DDX4: variants seen among roughly 807,000 people sequenced by gnomAD.
DDX4 encodes DEAD-box helicase 4, also known as probable ATP-dependent RNA helicase DDX4.
Under a neutral mutation model 100.0 loss-of-function variants are expected in DDX4, and 25 were observed. The ratio of observed to expected loss-of-function variants is 0.25; its 90% CI spans 0.18 to 0.35. The LOEUF is 0.35. Among genes scored for constraint, DDX4 ranks in the 10% least tolerant of loss-of-function variants. The probability of loss-of-function intolerance (pLI) is 1.00; values close to 1 mark genes in which losing one functional copy is unlikely to be tolerated. For synonymous variants in DDX4, 259 were observed against 275.7 expected, an observed-to-expected ratio of 0.94 and a Z score of 0.60; for missense variants, 635 against 882.4, an observed-to-expected ratio of 0.72 and a Z score of 3.55.
intron 3 of DDX4, among the ~76,000 whole-genome samples, chr5:55,759,488 T>A (rs1220506628): frequency 6.8e-6 from 1 of 148,024 alleles, no homozygotes; most frequent in East Asian, 2.1e-4. Flanking sequence ...ATGAATTGAT[T>A]ATTGAACTCT....
At chr5:55,807,622 C>G (rs1042120513) in intron 18 of DDX4, among the ~76,000 whole-genome samples, 6 of 152,192 alleles carry the variant, frequency 3.9e-5, no homozygotes, top group Admixed American at 3.9e-4. Flanking sequence ...GTTGCAGATT[C>G]TTTTCTTTAA....
intron 17 of DDX4, among the ~76,000 whole-genome samples, chr5:55,795,781 A>G (rs116518422): frequency 1.3e-5 from 2 of 152,302 alleles, no homozygotes; most frequent in African/African-American, 4.8e-5. Flanking sequence ...TCTCAGTACA[A>G]CGTGGCAGTG....
At chr5:55,799,826 C>T (rs1447829120) in intron 18 of DDX4, among the ~76,000 whole-genome samples, 1 of 152,142 alleles carries the variant, frequency 6.6e-6, no homozygotes, top group Admixed American at 6.5e-5. Context: ...TCCATCCACA[C>T]CCTCCATTTT....
At chr5:55,794,018 T>C (rs1742753655) in intron 17 of DDX4, among the ~76,000 whole-genome samples, 1 of 152,236 alleles carries the variant, frequency 6.6e-6, no homozygotes, top group South Asian at 2.1e-4. Context: ...GTGCTGGCTA[T>C]TGATTTATTT....
chr5:55,805,925 T>C (rs1743672914), intron 18 of DDX4, among the ~76,000 whole-genome samples: 1 of 152,238 alleles, frequency 6.6e-6, no homozygotes, highest in Non-Finnish European at 1.5e-5. Context: ...GTACCTCTGG[T>C]AGAATTCAGC....
chr5:55,796,811 TTTTC>T (rs1437346670), intron 17 of DDX4, among the ~76,000 whole-genome samples: 12 of 145,276 alleles, frequency 8.3e-5, no homozygotes, highest in African/African-American at 1.8e-4. Context: ...TCTTTTCTTT[TTTTC>T]TTTCTTTCTT....
chr5:55,740,174 TTTTG>T (rs1449496420), intron 2 of DDX4, among the ~76,000 whole-genome samples: 6 of 152,242 alleles, frequency 3.9e-5, no homozygotes, highest in African/African-American at 9.6e-5. Context: ...TCCAAACATT[TTTTG>T]TTTGTTTTTG....
At chr5:55,764,208 C>G in intron 6 of DDX4, 144 bp downstream of exon 6, 1 of 628,828 alleles carries the variant, frequency 1.6e-6, no homozygotes, top group Non-Finnish European at 2.8e-6. Context: ...AAAGCCTTAA[C>G]CAAGGATATT....
At chr5:55,742,558 T>C (rs536113208) in intron 2 of DDX4, among the ~76,000 whole-genome samples, 11 of 152,332 alleles carry the variant, frequency 7.2e-5, no homozygotes, top group South Asian at 2.1e-4. Flanking sequence ...AAAAATGTGT[T>C]CATCAAAATG....
chr5:55,810,572 G>A (rs1458464651), intron 18 of DDX4, among the ~76,000 whole-genome samples: 5 of 152,078 alleles, frequency 3.3e-5, no homozygotes, highest in African/African-American at 4.8e-5. Flanking sequence ...AATGCTCAAC[G>A]TGTATTAACA....
At chr5:55,755,415 C>A (rs1759862617) in intron 3 of DDX4, among the ~76,000 whole-genome samples, 1 of 152,102 alleles carries the variant, frequency 6.6e-6, no homozygotes, top group African/African-American at 2.4e-5. Context: ...TTACTGATTT[C>A]TATTATTTCT....
rs748094048 is a variant in DDX4, at chr5:55,816,523, G to C, written c.2158G>C (p.Asp720His). 1 of 1,612,710 alleles carries C rather than the reference G, an allele frequency of 6.2e-7. No homozygotes were observed. Among genetic ancestry groups the C allele is most frequent in the Non-Finnish European group, 8.5e-7 (1 of 1,179,628 alleles). The change falls in exon 22 of 22, where the codon GAT (aspartate) becomes CAT (histidine). Residue 720 changes from aspartate (D) to histidine (H), a missense_variant. Physicochemically the swap from Asp to His is moderately conservative, Grantham distance 81 (BLOSUM62 -1). This residue lies in a region of DDX4 where 73 missense variants were observed against 98.5 expected (regional missense o/e 0.74). Coordinates refer to ENST00000505374, the MANE Select transcript of DDX4 (RefSeq NM_024415.3). ...TTCACAAGCTCCCAATCCAGTAGATGATGAGTCATGGGATTAAAGCCAAAA... is the reference window on the plus strand; with the variant it reads ...TTCACAAGCTCCCAATCCAGTAGATCATGAGTCATGGGATTAAAGCCAAAA... The part of the protein sequence containing the change: ...SSSQAPNPVD[D>H]ESWD
chr5:55,788,062 C>A, intron 15 of DDX4, 62 bp downstream of exon 15: 11 of 1,456,848 alleles, frequency 7.6e-6, no homozygotes, highest in Non-Finnish European at 1.0e-5. Flanking sequence ...TTTCCCCTCA[C>A]TTTTGGAAGA....
intron 7 of DDX4, among the ~76,000 whole-genome samples, chr5:55,778,498 A>C (rs1403688118): frequency 6.6e-6 from 1 of 152,238 alleles, no homozygotes; most frequent in Non-Finnish European, 1.5e-5. Flanking sequence ...ACTCAAATAA[A>C]AAAGGTAGTA....
At chr5:55,773,569 TG>T (rs1462731404) in intron 7 of DDX4, among the ~76,000 whole-genome samples, 1 of 151,862 alleles carries the variant, frequency 6.6e-6, no homozygotes, top group Non-Finnish European at 1.5e-5. Flanking sequence ...TTATTACTGG[TG>T]TTTTTTTAAT....
At chr5:55,789,778 T>C (rs1742444868) in intron 15 of DDX4, among the ~76,000 whole-genome samples, 2 of 152,148 alleles carry the variant, frequency 1.3e-5, no homozygotes, top group Non-Finnish European at 2.9e-5. Context: ...ACTGGACAGG[T>C]TGCACACTCA....
intron 6 of DDX4, chr5:55,766,911 A>G (rs1208087152): frequency 1.3e-6 from 2 of 1,515,144 alleles, no homozygotes; most frequent in African/African-American, 2.8e-5. Flanking sequence ...CATTCCTTTC[A>G]GAATAAACAT....
chr5:55,815,190 A>G lies in DDX4; in HGVS notation c.1986+19A>G, dbSNP rs968934249. On this transcript the variant is annotated intron_variant, in intron 20 of 21. Transcript: ENST00000505374. ...GACAGATGTAAGTTAAACTTTTATG[A>G]TGGAATGGATAGTTTTCTTACTTTG... 1.2e-6 allele frequency: 2 copies of G among 1,610,550 alleles called. No homozygotes were observed. Among genetic ancestry groups the G allele is most frequent in the Non-Finnish European group, 8.5e-7 (1 of 1,178,202 alleles).
chr5:55,816,016 C>A (rs1232852211), intron 21 of DDX4, among the ~76,000 whole-genome samples: 1 of 147,642 alleles, frequency 6.8e-6, no homozygotes, highest in Non-Finnish European at 1.5e-5. Flanking sequence ...AAACTCCTGG[C>A]CTCAAGTGAT....
Sources: gnomAD v4.1 joint callset for allele counts (sites outside exome capture counted in the v4.1 genomes callset) on GRCh38, gnomAD v4.1.1 for gene constraint, gnomAD v4.1.1 regional missense constraint, MANE v1.5 for transcripts, NCBI Gene and HGNC (gene_info 2026-07-23, HGNC 2026-07-21) for gene names.